Variants in ANK1 observed in about 807,000 individuals in gnomAD.
The protein encoded by ANK1 is ankyrin-1.
Under a neutral mutation model 210.4 loss-of-function variants are expected in ANK1, and 51 were observed. The ratio of observed to expected loss-of-function variants is 0.24; its 90% confidence interval spans 0.19 to 0.31. The LOEUF (loss-of-function observed/expected upper bound fraction) is 0.31. ANK1 is among the 10% of genes least tolerant of loss of function. ANK1 has a pLI of 1.00. For synonymous variants in ANK1, 967 were observed against 1,025.9 expected (o/e 0.94, Z 1.10); for missense variants, 2,051 against 2,504.4 (o/e 0.82, Z 3.86).
intron 1 of ANK1, among the ~76,000 whole-genome samples, chr8:41,868,905 G>A (rs1374501410): frequency 6.6e-6 from 1 of 152,194 alleles, no homozygotes; most frequent in African/African-American, 2.4e-5. Context: ...AAAAAGATGA[G>A]GCTCAGACGG....
intron 1 of ANK1, among the ~76,000 whole-genome samples, chr8:41,837,062 A>T (rs966384115): frequency 1.3e-5 from 2 of 152,172 alleles, no homozygotes; most frequent in African/African-American, 4.8e-5. Context: ...ATGAGATAAA[A>T]CCAGCAAAAC....
At chr8:41,895,583 C>T (rs1820329791) in intron 1 of ANK1, among the ~76,000 whole-genome samples, 2 of 152,128 alleles carry the variant, frequency 1.3e-5, no homozygotes, top group African/African-American at 4.8e-5. Flanking sequence ...CAGAAATACC[C>T]GGGATGTCTG....
intron 1 of ANK1, among the ~76,000 whole-genome samples, chr8:41,782,974 C>T (rs1374721016): frequency 6.6e-6 from 1 of 152,178 alleles, no homozygotes; most frequent in Non-Finnish European, 1.5e-5. Context: ...CATCCCAAAT[C>T]CATTTCATCT....
chr8:41,673,060 A>G lies in ANK1; in HGVS notation c.4538-148T>C, dbSNP rs559320348. On this transcript the variant is annotated intron_variant, in intron 37 of 42. Transcript: ENST00000289734. ...TTCGGGGTGGGTTGGGGGCTTTCCAAGCTCCAGGCCCAATGCTCAGGCCTT... is the reference window on the plus strand; with the variant it reads ...TTCGGGGTGGGTTGGGGGCTTTCCAGGCTCCAGGCCCAATGCTCAGGCCTT... The G allele has an allele frequency of 8.1e-6, 7 of 866,042 alleles. No homozygotes were observed. In the South Asian group the frequency reaches 9.7e-5, roughly 12 times the overall value. 53.6% of individuals were successfully genotyped at this position (866,042 alleles called of 1,614,324 possible).
At chr8:41,834,264 G>C (rs1807209601) in intron 1 of ANK1, among the ~76,000 whole-genome samples, 1 of 152,224 alleles carries the variant, frequency 6.6e-6, no homozygotes, top group Non-Finnish European at 1.5e-5. Flanking sequence ...CAGAAAGCAG[G>C]GGTAGGATTG....
chr8:41,796,867 G>C (rs771448921), intron 1 of ANK1, among the ~76,000 whole-genome samples: 1 of 152,046 alleles, frequency 6.6e-6, no homozygotes, highest in Non-Finnish European at 1.5e-5. Flanking sequence ...GAACAAGAAG[G>C]CTGGAGTGGC....
intron 1 of ANK1, among the ~76,000 whole-genome samples, chr8:41,885,004 G>A (rs780074435): frequency 6.6e-6 from 1 of 151,970 alleles, no homozygotes; most frequent in Non-Finnish European, 1.5e-5. Context: ...CATCCTCAAG[G>A]CAGGGGAAAG....
At chr8:41,677,751 G>T (rs926884096) in intron 37 of ANK1, among the ~76,000 whole-genome samples, 2 of 151,520 alleles carry the variant, frequency 1.3e-5, no homozygotes, top group African/African-American at 2.4e-5. Context: ...CACCATACAC[G>T]GCTAATTTTT....
intron 1 of ANK1, among the ~76,000 whole-genome samples, chr8:41,805,876 G>A (rs544239181): frequency 1.0e-3 from 153 of 152,212 alleles, no homozygotes; most frequent in African/African-American, 3.5e-3. Context: ...ATCTGGCTTC[G>A]CTTGGATATG....
At chr8:41,829,829 G>C (rs904134991) in intron 1 of ANK1, 1 of 151,368 alleles carries the variant, frequency 6.6e-6, no homozygotes, top group South Asian at 2.1e-4. Context: ...CCAGCTACTT[G>C]GGAGGCTGAG....
chr8:41,727,359 A>T lies in ANK1; in HGVS notation c.328-11T>A, dbSNP rs751715265. On this transcript the variant is annotated splice_polypyrimidine_tract_variant and intron_variant, in intron 4 of 42. Coordinates refer to ENST00000289734, the MANE Select transcript of ANK1 (RefSeq NM_000037.4). ...GGGTGTAAAACCTTTCTGTAAACCA[A>T]GAGAGGACATCATTAGCATCCACCC... 6.2e-7 allele frequency: 1 copy of T among 1,602,060 alleles called. No individual in the cohort carries two copies.
chr8:41,873,177 A>C (rs1329199854), intron 1 of ANK1, among the ~76,000 whole-genome samples: 1 of 152,250 alleles, frequency 6.6e-6, no homozygotes, highest in Admixed American at 6.5e-5. Context: ...TTAGTCTATA[A>C]AGAAACTACA....
chr8:41,761,423 G>C (rs1840431346), intron 1 of ANK1, among the ~76,000 whole-genome samples: 1 of 152,166 alleles, frequency 6.6e-6, no homozygotes, highest in Non-Finnish European at 1.5e-5. Context: ...ACACAGAGGT[G>C]AAACTATGTG....
intron 1 of ANK1, among the ~76,000 whole-genome samples, chr8:41,808,691 A>T (rs1242187030): frequency 1.3e-5 from 2 of 152,144 alleles, no homozygotes; most frequent in Admixed American, 1.3e-4. Context: ...TAATAAATAA[A>T]AATGAAAATA....
rs1360537978 is a variant in ANK1 at position 41,684,563 on chromosome 8, C to T, written c.4518G>A (p.Leu1506=). 3 of 1,613,848 alleles carry T rather than the reference C, an allele frequency of 1.9e-6. No homozygotes were observed. Among genetic ancestry groups the T allele is most frequent in the Admixed American group, 3.3e-5 (2 of 60,030 alleles). ...DRRHTDRDYS[L]SPSQMNGYSS... ...ACTCACCATTCATCTGGGAGGGTGA[C>T]AGCGAGTAGTCGCGGTCGGTGTGCC... Residue 1506 remains leucine, a synonymous_variant, in exon 37 of 43, where the codon CTG becomes CTA. Transcript: ENST00000289734.
chr8:41,823,340 A>G (rs762605488), intron 1 of ANK1, among the ~76,000 whole-genome samples: 25 of 152,198 alleles, frequency 1.6e-4, no homozygotes, highest in Non-Finnish European at 2.6e-4. Flanking sequence ...AGAAACAGAC[A>G]TATTTACTCA....
At chr8:41,729,132 G>A (rs190882694) in intron 3 of ANK1, among the ~76,000 whole-genome samples, 3 of 152,318 alleles carry the variant, frequency 2.0e-5, no homozygotes, top group Non-Finnish European at 2.9e-5. Flanking sequence ...ATGTAGGGAA[G>A]AGAAGAAAAA....
intron 2 of ANK1, among the ~76,000 whole-genome samples, chr8:41,747,753 C>T (rs996218156): frequency 6.6e-6 from 1 of 152,166 alleles, no homozygotes; most frequent in Non-Finnish European, 1.5e-5. Context: ...GTGTTCCTTG[C>T]ACTACATTCC....
At chr8:41,886,836 G>A (rs945697189) in intron 1 of ANK1, among the ~76,000 whole-genome samples, 1 of 152,198 alleles carries the variant, frequency 6.6e-6, no homozygotes, top group Non-Finnish European at 1.5e-5. Flanking sequence ...AGCCACTGAA[G>A]GACTGAAAGA....
Sources: allele counts gnomAD v4.1 joint callset (sites outside exome capture counted in the v4.1 genomes callset), GRCh38; gene constraint gnomAD v4.1.1; transcripts MANE v1.5; gene names NCBI Gene and HGNC (gene_info 2026-07-23, HGNC 2026-07-21).